SEZ6L: variants seen among roughly 807,000 people sequenced by gnomAD.
The protein encoded by SEZ6L is seizure related 6 homolog like.
A neutral mutation model predicts 106.2 loss-of-function variants in SEZ6L; 37 were observed. That is an observed-to-expected ratio of 0.35 (90% confidence interval 0.27 to 0.46). The LOEUF is 0.46. Among genes scored for constraint, SEZ6L ranks in the 20% least tolerant of loss-of-function variants. The pLI is 1.00. For synonymous variants in SEZ6L, 541 were observed against 570.4 expected (o/e 0.95, Z 0.73); for missense variants, 1,172 against 1,332.8 (o/e 0.88, Z 1.88).
At chr22:26,371,667 A>G (rs5752312) in intron 13 of SEZ6L, among the ~76,000 whole-genome samples, 2 of 109,778 alleles carry the variant, frequency 1.8e-5, no homozygotes, top group African/African-American at 6.6e-5. Context: ...TGACAAAAAA[A>G]GGAAAAAAAA....
At position 26,304,705 on chromosome 22, in the gene SEZ6L, T is replaced by G. The variant is rs189943323; in HGVS notation, c.1349-1274T>G. ...ATCACTTTTATATTCATGGTCTCAA[T>G]TGATTCTTGAAAATAGCTTATTAAA... On this transcript the variant is annotated intron_variant, in intron 5 of 16. Coordinates refer to ENST00000248933, the MANE Select transcript of SEZ6L (RefSeq NM_021115.5). Among the ~76,000 whole-genome samples, 313 of 152,344 alleles carry G rather than the reference T, an allele frequency of 2.1e-3. 2 individuals are homozygous for G. Among genetic ancestry groups the G allele is most frequent in the Middle Eastern group, 0.01 (3 of 294 alleles).
chr22:26,340,418 T>A lies in SEZ6L; in HGVS notation c.2016-18T>A. The A allele has an allele frequency of 6.3e-7, 1 of 1,596,788 alleles. No individual in the cohort carries two copies. The highest frequency in any genetic ancestry group is 8.5e-7 in the Non-Finnish European group (1 of 1,172,248). On this transcript the variant is annotated intron_variant, in intron 9 of 16. Coordinates refer to ENST00000248933, the MANE Select transcript of SEZ6L (RefSeq NM_021115.5). Reference sequence around the variant, plus strand: ...ATTCTCTATTTCACATGACTCTCCCTCTTCTCTGCCCTCCAAGCCTGAATC... The same window carrying A: ...ATTCTCTATTTCACATGACTCTCCCACTTCTCTGCCCTCCAAGCCTGAATC...
chr22:26,322,350 G>A (rs2082178362), intron 9 of SEZ6L, among the ~76,000 whole-genome samples: 1 of 152,152 alleles, frequency 6.6e-6, no homozygotes, highest in Non-Finnish European at 1.5e-5. Context: ...AGCTTTCGGG[G>A]CACCAGCTGT....
rs943033014 is a variant in SEZ6L at position 26,382,100 on chromosome 22, A to G, written c.*1805A>G. The G allele has an allele frequency of 1.9e-5, 10 of 513,574 alleles. No homozygotes were observed. Among genetic ancestry groups the G allele is most frequent in the Admixed American group, 3.9e-5 (2 of 51,026 alleles). The allele number at this position is 513,574 out of a possible 1,614,324, so 31.8% of individuals were successfully genotyped here. The stretch of plus-strand genomic sequence containing the variant: ...CTTCTGCCAGAAAAGAATCTTGCAC[A>G]TATACTCCTGAAGGCATGAGTGTGT... On this transcript the variant is annotated 3_prime_UTR_variant, in exon 17 of 17. Coordinates refer to ENST00000248933, the MANE Select transcript of SEZ6L (RefSeq NM_021115.5).
intron 14 of SEZ6L, among the ~76,000 whole-genome samples, chr22:26,374,597 C>G (rs540403651): frequency 6.6e-6 from 1 of 152,236 alleles, no homozygotes; most frequent in South Asian, 2.1e-4. Flanking sequence ...CTTATGAGAG[C>G]CATTGTAACG....
chr22:26,295,682 G>A lies in SEZ6L; in HGVS notation c.970-1206G>A, dbSNP rs542609293. ...ACCCAGTATGTGTCCAGTACTGTGT[G>A]GAGCCTTTTACCAGGCACAGTAGAG... On this transcript the variant is annotated intron_variant, in intron 3 of 16. Transcript: ENST00000248933. Among the ~76,000 whole-genome samples, 8 of 152,264 alleles carry A rather than the reference G, an allele frequency of 5.3e-5. No individual in the cohort carries two copies. In the South Asian group the frequency reaches 1.2e-3, roughly 24 times the overall value.
chr22:26,373,507 A>G, intron 14 of SEZ6L, 24 bp downstream of exon 14: 1 of 1,585,664 alleles, frequency 6.3e-7, no homozygotes, highest in Non-Finnish European at 8.6e-7. Flanking sequence ...CGAAAAAAAA[A>G]AAAGTTCAAT....
intron 1 of SEZ6L, among the ~76,000 whole-genome samples, chr22:26,170,068 C>G (rs1250296240): frequency 1.3e-5 from 2 of 152,038 alleles, no homozygotes; most frequent in Non-Finnish European, 2.9e-5. Flanking sequence ...GGAGTGGGGT[C>G]GCCTCCAAAC....
At chr22:26,276,699 C>T (rs908533213) in intron 1 of SEZ6L, among the ~76,000 whole-genome samples, 1 of 152,194 alleles carries the variant, frequency 6.6e-6, no homozygotes, top group Admixed American at 6.5e-5. Context: ...AATCACACTG[C>T]ATTCCTCTCC....
intron 1 of SEZ6L, among the ~76,000 whole-genome samples, chr22:26,272,840 A>G (rs607129): frequency 0.29 from 44,140 of 152,106 alleles, 7,173 homozygotes; most frequent in Non-Finnish European, 0.37. Context: ...TATCAGACAG[A>G]CCTGGGTTTG....
chr22:26,375,681 C>T lies in SEZ6L; in HGVS notation c.2934C>T (p.Tyr978=). The change falls in exon 15 of 17, where the codon TAC becomes TAT. Residue 978 remains tyrosine (Y), a synonymous_variant. Transcript: ENST00000248933. The part of the protein sequence containing the change: ...ISLLLGGAYI[Y]ITRCRYYSNL... ...TACTGCTGGGAGGAGCCTACATTTACATCACAAGGTAGGGAGCTGATGGGG... is the reference window on the plus strand; with the variant it reads ...TACTGCTGGGAGGAGCCTACATTTATATCACAAGGTAGGGAGCTGATGGGG... 2 of 1,612,024 alleles carry T rather than the reference C, an allele frequency of 1.2e-6. No homozygotes were observed. Among genetic ancestry groups the T allele is most frequent in the Non-Finnish European group, 1.7e-6 (2 of 1,178,348 alleles).
chr22:26,252,980 T>C (rs1602170809), intron 1 of SEZ6L, among the ~76,000 whole-genome samples: 1 of 152,218 alleles, frequency 6.6e-6, no homozygotes, highest in South Asian at 2.1e-4. Flanking sequence ...TGCTTTAAGT[T>C]CAACAAAGAG....
intron 1 of SEZ6L, among the ~76,000 whole-genome samples, chr22:26,229,031 C>T (rs913236805): frequency 1.6e-4 from 25 of 152,304 alleles, no homozygotes; most frequent in Middle Eastern, 6.8e-3. Context: ...CAGAGTCTTG[C>T]CCTGTCACTA....
chr22:26,231,409 G>A (rs2078794501), intron 1 of SEZ6L, among the ~76,000 whole-genome samples: 1 of 152,154 alleles, frequency 6.6e-6, no homozygotes, highest in African/African-American at 2.4e-5. Context: ...ATTTGGTTCA[G>A]TGTCTGAGCC....
chr22:26,208,407 G>A, intron 1 of SEZ6L, among the ~76,000 whole-genome samples: 1 of 152,104 alleles, frequency 6.6e-6, no homozygotes. Flanking sequence ...ACTTTTATCT[G>A]AATATGCCGT....
intron 1 of SEZ6L, among the ~76,000 whole-genome samples, chr22:26,178,525 G>A (rs1412132939): frequency 6.6e-6 from 1 of 152,166 alleles, no homozygotes; most frequent in Non-Finnish European, 1.5e-5. Flanking sequence ...TTTGGGGCTG[G>A]AGATTAGAAC....
chr22:26,252,870 C>T (rs2079650380), intron 1 of SEZ6L, among the ~76,000 whole-genome samples: 2 of 152,232 alleles, frequency 1.3e-5, no homozygotes, highest in Admixed American at 6.5e-5. Context: ...GTGAATAGTG[C>T]TGTAATTAAC....
chr22:26,299,225 C>A, intron 5 of SEZ6L, 56 bp downstream of exon 5: 1 of 1,297,920 alleles, frequency 7.7e-7, no homozygotes, highest in Non-Finnish European at 9.9e-7. Flanking sequence ...AGGGGAAAGA[C>A]CAACCTGTAG....
intron 9 of SEZ6L, among the ~76,000 whole-genome samples, chr22:26,321,498 G>A (rs1242196031): frequency 1.3e-5 from 2 of 152,178 alleles, no homozygotes; most frequent in African/African-American, 2.4e-5. Context: ...GAGTCCTCTG[G>A]TCACCAGCCC....
Sources: allele counts gnomAD v4.1 joint callset (sites outside exome capture counted in the v4.1 genomes callset), GRCh38; gene constraint gnomAD v4.1.1; transcripts MANE v1.5; gene names NCBI Gene and HGNC (gene_info 2026-07-23, HGNC 2026-07-21).